The following TNNI3 variants were observed in gnomAD, a reference collection of about 807,000 sequenced individuals.
TNNI3 encodes troponin I, cardiac muscle.
Under a neutral mutation model 31.5 loss-of-function variants are expected in TNNI3, and 23 were observed. The ratio of observed to expected loss-of-function variants is 0.73; its 90% CI spans 0.52 to 1.03. The LOEUF is 1.03. TNNI3 is among the 50% of genes least tolerant of loss of function. The pLI, the probability that TNNI3 is intolerant of heterozygous loss-of-function variation, is 0.00. For synonymous variants in TNNI3, 120 were observed against 111.7 expected (o/e 1.07, Z -0.47); for missense variants, 236 against 282.9 (o/e 0.83, Z 1.19).
chr19:55,157,097 G>C lies in TNNI3; in HGVS notation c.61C>G (p.Arg21Gly). The change falls in exon 3 of 8, where the codon CGC becomes GGC. Residue 21 changes from arginine (R) to glycine (G), a missense_variant. Coordinates refer to ENST00000344887, the MANE Select transcript of TNNI3 (RefSeq NM_000363.5). This position sits in a 1 kb window ranked among gnomAD's most constrained non-coding sequence, Gnocchi z 6.3. Reference protein sequence around the residue: ...EPRPAPAPIRRRSSNYRAYAT... With the variant: ...EPRPAPAPIRGRSSNYRAYAT... ...TAAGCGCGGTAGTTGGAGGAGCGGC[G>C]TCTGATTGGGGCTGGTGCAGGGCGA... is the stretch of plus-strand genomic sequence containing the variant. The C allele has an allele frequency of 6.2e-7, 1 of 1,602,944 alleles. No individual in the cohort carries two copies. The highest frequency in any genetic ancestry group is 8.5e-7 in the Non-Finnish European group (1 of 1,176,524).
Position 55,157,375 on chromosome 19 carries a change from G to A in TNNI3, c.12-67C>T. ...GTGTCCTGTCTCCTAAGGGACCCCT[G>A]GAGTCCCCTCTGAACAAGAGGTCGG... is the stretch of plus-strand genomic sequence containing the variant. On this transcript the variant is annotated intron_variant, in intron 1 of 7. Transcript: ENST00000344887. This position sits in a 1 kb window ranked among gnomAD's most constrained non-coding sequence, Gnocchi z 6.3. 3.1e-6 allele frequency: 5 copies of A among 1,610,650 alleles called. No homozygotes were observed. In the South Asian group the frequency reaches 4.4e-5, roughly 14 times the overall value.
In TNNI3 at chr19:55,156,076, C is replaced by A; in HGVS notation, c.282+125G>T. On this transcript the variant is annotated intron_variant, in intron 5 of 7. Coordinates refer to ENST00000344887, the MANE Select transcript of TNNI3 (RefSeq NM_000363.5). This position sits in a 1 kb window ranked among gnomAD's most constrained non-coding sequence, Gnocchi z 4.6. ...AAAGGGTGTTAGGGGCCAGGAGTCC[C>A]ACGAACCATATATAATTGGGTAAGG... 1.4e-6 allele frequency: 2 copies of A among 1,461,120 alleles called. No homozygotes were observed. The allele number at this position is 1,461,120 out of a possible 1,614,324, so 90.5% of individuals were successfully genotyped here.
chr19:55,157,045 C>G lies in TNNI3; in HGVS notation c.108+5G>C, dbSNP rs1261858318. On this transcript the variant is annotated splice_donor_5th_base_variant and intron_variant, in intron 3 of 7. Coordinates refer to ENST00000344887, the MANE Select transcript of TNNI3 (RefSeq NM_000363.5). The surrounding 1 kb of genome is among the most constrained non-coding windows in gnomAD (Gnocchi z 6.3). Reference sequence around the variant, plus strand: ...GTACTCTGCCCCCAGGAAGCCCCGTCCCACCTTGGCGTGCGGCTCCGTGGC... The same window carrying G: ...GTACTCTGCCCCCAGGAAGCCCCGTGCCACCTTGGCGTGCGGCTCCGTGGC... The G allele has an allele frequency of 6.3e-7, 1 of 1,585,692 alleles. No homozygotes were observed. Among genetic ancestry groups the G allele is most frequent in the Non-Finnish European group, 8.6e-7 (1 of 1,169,234 alleles).
rs929245718 is a variant in TNNI3 at position 55,156,764 on chromosome 19, T to C, written c.109-120A>G. Reference sequence around the variant, plus strand: ...GTCCAGATTTGGGCCCACGTCCAACTTGAGCCCTGAGTCTACGGGAGGCCA... The same window carrying C: ...GTCCAGATTTGGGCCCACGTCCAACCTGAGCCCTGAGTCTACGGGAGGCCA... On this transcript the variant is annotated intron_variant, in intron 3 of 7. Transcript: ENST00000344887. The surrounding 1 kb of genome is among the most constrained non-coding windows in gnomAD (Gnocchi z 4.6). 9 of 1,183,142 alleles carry C rather than the reference T, an allele frequency of 7.6e-6. No homozygotes were observed. In the East Asian group the frequency reaches 1.5e-4, roughly 20 times the overall value. 73.3% of individuals were successfully genotyped at this position (1,183,142 alleles called of 1,614,324 possible). A position where few individuals can be genotyped will look rare whatever the true frequency, so the allele number is the denominator to read the frequency against.
At position 55,154,715 on chromosome 19, in the gene TNNI3, G is replaced by A. The variant is rs370088299; in HGVS notation, c.372+26C>T. The stretch of plus-strand genomic sequence containing the variant: ...CCAGCCATCTCACCCTACCCCGAAG[G>A]TACCCGAGCTGCCCATGCGTCCCAC... On this transcript the variant is annotated intron_variant, in intron 6 of 7. Transcript: ENST00000344887. 61 of 1,607,916 alleles carry A rather than the reference G, an allele frequency of 3.8e-5. No individual in the cohort carries two copies. The African/African-American group carries it at 6.3e-4, about 17-fold the overall frequency.
At position 55,156,262 on chromosome 19, in the gene TNNI3, C is replaced by G. The variant is rs886039022; in HGVS notation, c.221G>C (p.Arg74Pro). The change falls in exon 5 of 8, where the codon CGC becomes CCC. Residue 74 changes from arginine (R) to proline (P), a missense_variant. By Grantham distance (103) the Arg-to-Pro change is moderately radical. Coordinates refer to ENST00000344887, the MANE Select transcript of TNNI3 (RefSeq NM_000363.5). This position sits in a 1 kb window ranked among gnomAD's most constrained non-coding sequence, Gnocchi z 4.6. ...EAEERRGEKG[R>P]ALSTRCQPLE... ...CGGCTGGCAGCGGGTGCTCAGAGCG[C>G]GCCCCTTCTCTCCGCGCCGCTCCTC... 6.2e-7 allele frequency: 1 copy of G among 1,612,034 alleles called. No homozygotes were observed. Among genetic ancestry groups the G allele is most frequent in the South Asian group, 1.1e-5 (1 of 91,010 alleles).
In TNNI3 at chr19:55,157,008, C is replaced by T. The variant is rs1156865014; in HGVS notation, c.108+42G>A. On this transcript the variant is annotated intron_variant, in intron 3 of 7. Coordinates refer to ENST00000344887, the MANE Select transcript of TNNI3 (RefSeq NM_000363.5). This position sits in a 1 kb window ranked among gnomAD's most constrained non-coding sequence, Gnocchi z 6.3. ...CCCCCCACTCCCAGGGTCTTGGATC[C>T]CTCCGGCGCCTGTACTCTGCCCCCA... 1 of 1,549,052 alleles carries T rather than the reference C, an allele frequency of 6.5e-7. No homozygotes were observed. Among genetic ancestry groups the T allele is most frequent in the South Asian group, 1.2e-5 (1 of 84,762 alleles).
At chr19:55,154,564 G>C (rs900205427) in intron 6 of TNNI3, 177 bp downstream of exon 6, 7 of 699,760 alleles carry the variant, frequency 1.0e-5, no homozygotes, top group Non-Finnish European at 1.6e-5. Flanking sequence ...CCTCTGCCTA[G>C]AACAGCTTTC....
chr19:55,155,384 A>G (rs374877556), intron 5 of TNNI3, among the ~76,000 whole-genome samples: 489 of 23,068 alleles, frequency 0.021, 10 homozygotes, highest in African/African-American at 0.024. Flanking sequence ...GAGGGAGGAG[A>G]GGCTGGGGCC....
At chr19:55,153,810 A>G (rs1338344271) in intron 7 of TNNI3, among the ~76,000 whole-genome samples, 4 of 152,192 alleles carry the variant, frequency 2.6e-5, no homozygotes, top group Non-Finnish European at 5.9e-5. Context: ...CTGCACCTGG[A>G]CCTTCATGTA....
In TNNI3 at chr19:55,157,465, C is replaced by T; in HGVS notation, c.11+114G>A. ...CTCGCAAACCCACTTCCTCTCTTCACCCAAGAGTCCCTACGCCTACCTCGC... is the reference window on the plus strand; with the variant it reads ...CTCGCAAACCCACTTCCTCTCTTCATCCAAGAGTCCCTACGCCTACCTCGC... On this transcript the variant is annotated intron_variant, in intron 1 of 7. Transcript: ENST00000344887. The surrounding 1 kb of genome is among the most constrained non-coding windows in gnomAD (Gnocchi z 6.3). 1 of 1,575,798 alleles carries T rather than the reference C, an allele frequency of 6.3e-7. No individual in the cohort carries two copies. The highest frequency in any genetic ancestry group is 8.7e-7 in the Non-Finnish European group (1 of 1,150,158).
chr19:55,155,094 A>G (rs1466644703), intron 5 of TNNI3, among the ~76,000 whole-genome samples: 1 of 34,044 alleles, frequency 2.9e-5, no homozygotes. Context: ...CTGAGGGAGG[A>G]GGGGCTGGGG....
chr19:55,157,597 C>T lies in TNNI3; in HGVS notation c.-8G>A, dbSNP rs773513015. Reference sequence around the variant, plus strand: ...CACTCACCCATCCGCCATGCTGAGACTCAGGCCGGGAATGGCAGGAGGCAG... The same window carrying T: ...CACTCACCCATCCGCCATGCTGAGATTCAGGCCGGGAATGGCAGGAGGCAG... On this transcript the variant is annotated 5_prime_UTR_variant, in exon 1 of 8. Coordinates refer to ENST00000344887, the MANE Select transcript of TNNI3 (RefSeq NM_000363.5). This position sits in a 1 kb window ranked among gnomAD's most constrained non-coding sequence, Gnocchi z 6.3. The T allele has an allele frequency of 1.1e-5, 18 of 1,613,942 alleles. No individual in the cohort carries two copies. Among genetic ancestry groups the T allele is most frequent in the South Asian group, 7.7e-5 (7 of 91,064 alleles).
In TNNI3 at chr19:55,156,918, T is replaced by G; in HGVS notation, c.108+132A>C. 1 of 1,086,318 alleles carries G rather than the reference T, an allele frequency of 9.2e-7. No individual in the cohort carries two copies. The highest frequency in any genetic ancestry group is 1.4e-6 in the Non-Finnish European group (1 of 738,072). 67.3% of individuals were successfully genotyped at this position (1,086,318 alleles called of 1,614,324 possible). A position where few individuals can be genotyped will look rare whatever the true frequency, so the allele number is the denominator to read the frequency against. On this transcript the variant is annotated intron_variant, in intron 3 of 7. Transcript: ENST00000344887. This position sits in a 1 kb window ranked among gnomAD's most constrained non-coding sequence, Gnocchi z 4.6. ...GCTGTCACCAATCCGAGCATGACCC[T>G]CTGCAAAACTCCGCCCCTGAAGCCC...
At position 55,156,487 on chromosome 19, in the gene TNNI3, G is replaced by T. The variant is rs920081367; in HGVS notation, c.150+116C>A. 2.0e-6 allele frequency: 3 copies of T among 1,502,680 alleles called. No homozygotes were observed. The highest frequency in any genetic ancestry group is 2.0e-5 in the Admixed American group (1 of 50,710). The allele number at this position is 1,502,680 out of a possible 1,614,324, so 93.1% of individuals were successfully genotyped here. ...GAGCAGTACTCCCCGCTAAAGCCAC[G>T]CCCCGAGCGGCCAAACCCCGCCCAC... On this transcript the variant is annotated intron_variant, in intron 4 of 7. Coordinates refer to ENST00000344887, the MANE Select transcript of TNNI3 (RefSeq NM_000363.5). The surrounding 1 kb of genome is among the most constrained non-coding windows in gnomAD (Gnocchi z 4.6).
chr19:55,157,203 T>A lies in TNNI3; in HGVS notation c.25-70A>T. 1 of 1,593,636 alleles carries A rather than the reference T, an allele frequency of 6.3e-7. No homozygotes were observed. ...CCAGCCCTTACCGTACCGCACCCTC[T>A]GCTAGGGCTGCAGCCTCCCGCCCCA... is the stretch of plus-strand genomic sequence containing the variant. On this transcript the variant is annotated intron_variant, in intron 2 of 7. Transcript: ENST00000344887. The surrounding 1 kb of genome is among the most constrained non-coding windows in gnomAD (Gnocchi z 6.3).
In TNNI3 at chr19:55,152,559, TATAAG is replaced by T. The variant is rs1319177201; in HGVS notation, c.550-647_550-643del. Among the ~76,000 whole-genome samples the T allele has an allele frequency of 6.6e-6, 1 of 152,238 alleles. No individual in the cohort carries two copies. Among genetic ancestry groups the T allele is most frequent in the African/African-American group, 2.4e-5 (1 of 41,462 alleles). The stretch of plus-strand genomic sequence containing the variant: ...AGGAAAAGAAGGGTGATTACAGTGC[TATAAG>T]ATATTTTGAGAAAGAGACCACATTC... On this transcript the variant is annotated intron_variant, in intron 7 of 7. Coordinates refer to ENST00000344887, the MANE Select transcript of TNNI3 (RefSeq NM_000363.5). This position sits in a 1 kb window ranked among gnomAD's most constrained non-coding sequence, Gnocchi z 4.0.
rs1225009576 is a variant in TNNI3, at chr19:55,156,927, C to T, written c.108+123G>A. The T allele has an allele frequency of 8.5e-7, 1 of 1,180,444 alleles. No homozygotes were observed. Among genetic ancestry groups the T allele is most frequent in the Non-Finnish European group, 1.2e-6 (1 of 823,500 alleles). 73.1% of individuals were successfully genotyped at this position (1,180,444 alleles called of 1,614,324 possible). ...AATCCGAGCATGACCCTCTGCAAAA[C>T]TCCGCCCCTGAAGCCCCTCCGCGTA... is the stretch of plus-strand genomic sequence containing the variant. On this transcript the variant is annotated intron_variant, in intron 3 of 7. Coordinates refer to ENST00000344887, the MANE Select transcript of TNNI3 (RefSeq NM_000363.5). This position sits in a 1 kb window ranked among gnomAD's most constrained non-coding sequence, Gnocchi z 4.6.
chr19:55,151,950 C>A, intron 7 of TNNI3, 33 bp from the exon 8 acceptor site: 2 of 1,601,476 alleles, frequency 1.2e-6, no homozygotes, highest in Admixed American at 1.7e-5. Flanking sequence ...AGGTTAGGGT[C>A]TCTTCTTGGT....
Sources: allele counts gnomAD v4.1 joint callset (sites outside exome capture counted in the v4.1 genomes callset), GRCh38; gene constraint gnomAD v4.1.1; non-coding constraint Gnocchi (gnomAD v3.1); transcripts MANE v1.5; gene names NCBI Gene and HGNC (gene_info 2026-07-23, HGNC 2026-07-21).